The following TANC2 variants were observed in gnomAD, a reference collection of about 807,000 sequenced individuals.
TANC2 encodes protein TANC2.
In TANC2, 26 loss-of-function variants were observed where a neutral mutation model predicts 210.5. The ratio of observed to expected loss-of-function variants is 0.12; its 90% confidence interval spans 0.09 to 0.17. The LOEUF is 0.17. Ranked by LOEUF, TANC2 falls within the 10% of genes least tolerant of loss-of-function variation. The pLI is 1.00. For missense variants in TANC2, 2,129 were observed against 2,608.9 expected (o/e 0.82, Z 4.01); for synonymous variants, 931 against 967.1 (o/e 0.96, Z 0.69).
In TANC2 at chr17:63,061,385, AAAAC is replaced by A. The variant is rs1407831508; in HGVS notation, c.68-12550_68-12547del. 3.9e-5 allele frequency among the ~76,000 whole-genome samples: 6 copies of A among 152,268 alleles called. No individual in the cohort carries two copies. The East Asian group carries it at 7.7e-4, about 20-fold the overall frequency. ...TCTGTCTCAAAGAACAAAAAAACAAAAAACAAACAAAAAGATTACATGATAGTTT... is the reference window on the plus strand; with the variant it reads ...TCTGTCTCAAAGAACAAAAAAACAAAAAACAAAAAGATTACATGATAGTTT... On this transcript the variant is annotated intron_variant, in intron 2 of 27. Transcript: ENST00000689528.
intron 4 of TANC2, among the ~76,000 whole-genome samples, chr17:63,103,479 A>G (rs1046526220): frequency 1.5e-4 from 23 of 152,202 alleles, no homozygotes; most frequent in Non-Finnish European, 2.9e-4. Context: ...CAAGAGAGAC[A>G]TAGACTTTGT....
exon 28 of TANC2, chr17:63,427,493 G>C (rs2049172087): frequency 6.6e-6 from 1 of 152,248 alleles, no homozygotes; most frequent in Non-Finnish European, 1.5e-5. Flanking sequence ...CCCCACAGAG[G>C]CATCTACCCC....
intron 4 of TANC2, among the ~76,000 whole-genome samples, chr17:63,145,451 A>G (rs755259792): frequency 6.6e-6 from 1 of 152,202 alleles, no homozygotes; most frequent in Non-Finnish European, 1.5e-5. Flanking sequence ...TTCTCTTTCC[A>G]GATAAATTTC....
At chr17:63,093,917 C>T (rs146263094) in intron 3 of TANC2, among the ~76,000 whole-genome samples, 5 of 152,142 alleles carry the variant, frequency 3.3e-5, no homozygotes, top group African/African-American at 1.2e-4. Context: ...ACTCCTGACT[C>T]TATTTAGGTT....
chr17:63,420,350 C>T lies in TANC2; in HGVS notation c.4620C>T (p.Ser1540=), dbSNP rs376577096. ...CGCATCGGGACTCAGCCTACATCTC[C>T]AGCTCACCTCTTGGCTCTCATCAGG... The change falls in exon 28 of 28, where the codon TCC becomes TCT. Residue 1540 remains serine, a synonymous_variant. Transcript: ENST00000689528. This position sits in a 1 kb window ranked among gnomAD's most constrained non-coding sequence, Gnocchi z 4.2. 6.2e-7 allele frequency: 1 copy of T among 1,613,982 alleles called. No individual in the cohort carries two copies. The highest frequency in any genetic ancestry group is 8.5e-7 in the Non-Finnish European group (1 of 1,179,900).
At chr17:63,098,513 G>GTATATA (rs779741664) in intron 3 of TANC2, among the ~76,000 whole-genome samples, 8,068 of 125,334 alleles carry the variant, frequency 0.064, 814 homozygotes, top group African/African-American at 0.18. Flanking sequence ...CTCTCTCTGT[G>GTATATA]TGTATATATA....
rs2147349488 is a variant in TANC2 at position 63,412,526 on chromosome 17, C to T, written c.3899-154C>T. 6.6e-6 allele frequency among the ~76,000 whole-genome samples: 1 copy of T among 152,304 alleles called. No individual in the cohort carries two copies. The highest frequency in any genetic ancestry group is 3.4e-3 in the Middle Eastern group (1 of 294). On this transcript the variant is annotated intron_variant, in intron 23 of 27. Transcript: ENST00000689528. This position sits in a 1 kb window ranked among gnomAD's most constrained non-coding sequence, Gnocchi z 4.2. ...CCTGCTGCCGCTGTCCCAGCTGCTC[C>T]CCAAGCCCACAGACCTATAGACGAG...
At chr17:63,345,389 G>A (rs1292966225) in intron 12 of TANC2, among the ~76,000 whole-genome samples, 6 of 152,166 alleles carry the variant, frequency 3.9e-5, no homozygotes, top group African/African-American at 1.2e-4. Context: ...GGAGGCCAAC[G>A]CAGGTGGATC....
chr17:63,420,916 A>G lies in TANC2; in HGVS notation c.5186A>G (p.Gln1729Arg), dbSNP rs751552501. Residue 1729 changes from glutamine to arginine, a missense_variant, in exon 28 of 28, where the codon CAG (glutamine) becomes CGG (arginine). By Grantham distance (43) the Gln-to-Arg change is conservative (BLOSUM62 1). Transcript: ENST00000689528. This position sits in a 1 kb window ranked among gnomAD's most constrained non-coding sequence, Gnocchi z 4.2. Reference sequence around the variant, plus strand: ...GCCCATTCAATGGCCAGTAAATACCAGTCTTCACAAGGAGACATAGGAGTC... The same window carrying G: ...GCCCATTCAATGGCCAGTAAATACCGGTCTTCACAAGGAGACATAGGAGTC... 23 of 1,613,906 alleles carry G rather than the reference A, an allele frequency of 1.4e-5. No homozygotes were observed. The highest frequency in any genetic ancestry group is 1.9e-5 in the Non-Finnish European group (22 of 1,179,904).
At chr17:63,111,361 C>T (rs2038036216) in intron 4 of TANC2, among the ~76,000 whole-genome samples, 2 of 152,034 alleles carry the variant, frequency 1.3e-5, no homozygotes, top group African/African-American at 2.4e-5. Context: ...GAGTTTAGCT[C>T]GTAGAAGGTG....
At chr17:63,038,089 G>A (rs1186704204) in intron 2 of TANC2, among the ~76,000 whole-genome samples, 1 of 152,060 alleles carries the variant, frequency 6.6e-6, no homozygotes, top group Non-Finnish European at 1.5e-5. Context: ...TGGTATTCTT[G>A]CCTTGTTTCC....
At chr17:63,377,066 C>G (rs1451035243) in intron 14 of TANC2, among the ~76,000 whole-genome samples, 7 of 152,196 alleles carry the variant, frequency 4.6e-5, no homozygotes, top group Admixed American at 1.3e-4. Flanking sequence ...TCCCTTTTAG[C>G]CACAGCTGGA....
At chr17:63,286,311 T>G (rs553135351) in intron 9 of TANC2, among the ~76,000 whole-genome samples, 1 of 152,336 alleles carries the variant, frequency 6.6e-6, no homozygotes, top group South Asian at 2.1e-4. Flanking sequence ...TTATTCAGCC[T>G]CTATATGTCT....
At chr17:63,326,156 A>G (rs1186409593) in intron 11 of TANC2, among the ~76,000 whole-genome samples, 1 of 152,232 alleles carries the variant, frequency 6.6e-6, no homozygotes, top group East Asian at 1.9e-4. Flanking sequence ...TGTAAAGCCT[A>G]AATCAAAACG....
At chr17:63,002,633 C>T (rs778815653) in intron 1 of TANC2, among the ~76,000 whole-genome samples, 2 of 152,152 alleles carry the variant, frequency 1.3e-5, no homozygotes, top group Non-Finnish European at 2.9e-5. Flanking sequence ...AAAGGTTCCT[C>T]GTGCCATTTC....
intron 4 of TANC2, among the ~76,000 whole-genome samples, chr17:63,146,053 T>C (rs1466027258): frequency 6.6e-6 from 1 of 152,168 alleles, no homozygotes; most frequent in Admixed American, 6.5e-5. Flanking sequence ...TGCCTTTTCA[T>C]TTATTTGTAC....
intron 3 of TANC2, among the ~76,000 whole-genome samples, chr17:63,093,447 C>T (rs1167837835): frequency 6.6e-6 from 1 of 152,078 alleles, no homozygotes; most frequent in Non-Finnish European, 1.5e-5. Flanking sequence ...TTTCTGGATG[C>T]TCTAGACTGT....
At chr17:63,016,225 T>A (rs2034100940) in intron 2 of TANC2, among the ~76,000 whole-genome samples, 1 of 152,116 alleles carries the variant, frequency 6.6e-6, no homozygotes, top group African/African-American at 2.4e-5. Flanking sequence ...TAGAAAAAAA[T>A]TTTAAACCAC....
chr17:63,176,548 G>A (rs1439168261), intron 5 of TANC2, among the ~76,000 whole-genome samples: 1 of 152,194 alleles, frequency 6.6e-6, no homozygotes, highest in Non-Finnish European at 1.5e-5. Context: ...GCTTACGCCT[G>A]TAATCCCAGC....
Sources: allele counts gnomAD v4.1 joint callset (sites outside exome capture counted in the v4.1 genomes callset), GRCh38; gene constraint gnomAD v4.1.1; non-coding constraint Gnocchi (gnomAD v3.1); transcripts MANE v1.5; gene names NCBI Gene and HGNC (gene_info 2026-07-23, HGNC 2026-07-21).